Variants in HERC4 observed in about 807,000 individuals in gnomAD.
The protein encoded by HERC4 is probable E3 ubiquitin-protein ligase HERC4.
In HERC4, 28 loss-of-function variants were observed where a neutral mutation model predicts 124.3. The ratio of observed to expected loss-of-function variants is 0.23; its 90% confidence interval spans 0.17 to 0.31. HERC4 has a LOEUF of 0.31. Ranked by LOEUF, HERC4 falls within the 10% of genes least tolerant of loss-of-function variation. The pLI, the probability that HERC4 is intolerant of heterozygous loss-of-function variation, is 1.00. For synonymous variants in HERC4, 407 were observed against 421.5 expected, an observed-to-expected ratio of 0.97 and a Z score of 0.42; for missense variants, 713 against 1,229.3, an observed-to-expected ratio of 0.58 and a Z score of 6.28.
At chr10:67,947,013 A>G (rs1164917190) in intron 19 of HERC4, among the ~76,000 whole-genome samples, 2 of 152,206 alleles carry the variant, frequency 1.3e-5, no homozygotes, top group South Asian at 2.1e-4. Context: ...AGAGACCCCA[A>G]TACAATAATA....
intron 15 of HERC4, among the ~76,000 whole-genome samples, chr10:67,974,073 TACAC>T (rs57454971): frequency 0.086 from 8,292 of 95,926 alleles, 716 homozygotes; most frequent in African/African-American, 0.15. Flanking sequence ...AAAATTACTG[TACAC>T]ACACACACAC....
chr10:67,934,792 T>G (rs2032181678), intron 22 of HERC4, among the ~76,000 whole-genome samples: 1 of 152,134 alleles, frequency 6.6e-6, no homozygotes, highest in South Asian at 2.1e-4. Context: ...CTGGACAGTT[T>G]TAGGGTCCCT....
At chr10:68,054,296 TTTC>T (rs1415657052) in intron 3 of HERC4, among the ~76,000 whole-genome samples, 2 of 152,172 alleles carry the variant, frequency 1.3e-5, no homozygotes, top group Admixed American at 6.5e-5. Context: ...TTTTTTTTCT[TTTC>T]TTCTTCTTTG....
chr10:67,927,187 G>A (rs940347524), intron 23 of HERC4, among the ~76,000 whole-genome samples: 1 of 151,810 alleles, frequency 6.6e-6, no homozygotes, highest in African/African-American at 2.4e-5. Flanking sequence ...TAAAGTCTGT[G>A]AGCATGTTAG....
intron 15 of HERC4, among the ~76,000 whole-genome samples, chr10:67,968,772 A>G (rs1258667384): frequency 6.6e-6 from 1 of 152,180 alleles, no homozygotes; most frequent in African/African-American, 2.4e-5. Context: ...CCAAGAAGTC[A>G]CAACAATCCA....
In HERC4 at chr10:67,941,117, A is replaced by C. The variant is rs762067289; in HGVS notation, c.2338-12T>G. ...CTGTCTTCAAATGTCTAAAAATATAAGAAAAAGTAAACACATGTCCTCCAA... is the reference window on the plus strand; with the variant it reads ...CTGTCTTCAAATGTCTAAAAATATACGAAAAAGTAAACACATGTCCTCCAA... On this transcript the variant is annotated splice_polypyrimidine_tract_variant and intron_variant, in intron 19 of 24. Coordinates refer to ENST00000373700, the MANE Select transcript of HERC4 (RefSeq NM_015601.4). 1 of 1,511,732 alleles carries C rather than the reference A, an allele frequency of 6.6e-7. No individual in the cohort carries two copies. Among genetic ancestry groups the C allele is most frequent in the South Asian group, 1.3e-5 (1 of 74,140 alleles). 93.6% of individuals were successfully genotyped at this position (1,511,732 alleles called of 1,614,324 possible). A position where few individuals can be genotyped will look rare whatever the true frequency, so the allele number is the denominator to read the frequency against.
intron 7 of HERC4, among the ~76,000 whole-genome samples, chr10:68,030,940 C>G (rs1371317498): frequency 6.6e-6 from 1 of 152,106 alleles, no homozygotes; most frequent in Non-Finnish European, 1.5e-5. Context: ...AGGTTTTGTA[C>G]AGAAAACTGC....
chr10:68,005,198 G>A (rs543824356), intron 9 of HERC4, among the ~76,000 whole-genome samples: 112 of 152,062 alleles, frequency 7.4e-4, no homozygotes, highest in African/African-American at 2.2e-3. Flanking sequence ...AACAATATCC[G>A]CTTTGTATAT....
intron 8 of HERC4, among the ~76,000 whole-genome samples, chr10:68,020,577 T>TA (rs1044280801): frequency 5.3e-5 from 8 of 151,396 alleles, no homozygotes; most frequent in African/African-American, 1.2e-4. Context: ...CCACCCCGGC[T>TA]AAAAAAACGG....
chr10:67,952,561 T>C (rs539766900), intron 19 of HERC4, among the ~76,000 whole-genome samples: 237 of 151,330 alleles, frequency 1.6e-3, no homozygotes, highest in South Asian at 5.5e-3. Flanking sequence ...TGTGAGCCAC[T>C]GGGCCCGGCC....
At chr10:68,042,495 C>A (rs530088479) in intron 4 of HERC4, among the ~76,000 whole-genome samples, 1 of 152,124 alleles carries the variant, frequency 6.6e-6, no homozygotes, top group Non-Finnish European at 1.5e-5. Flanking sequence ...TAGTGGTGCA[C>A]GCCTATAGTC....
At chr10:68,040,663 A>C (rs2039716102) in intron 4 of HERC4, 1 of 164,258 alleles carries the variant, frequency 6.1e-6, no homozygotes, top group African/African-American at 2.4e-5. Flanking sequence ...GGCCAAGGCG[A>C]GCAGATCATA....
chr10:68,019,032 T>C (rs1281861677), intron 8 of HERC4, among the ~76,000 whole-genome samples: 2 of 148,646 alleles, frequency 1.3e-5, no homozygotes, highest in South Asian at 2.1e-4. Flanking sequence ...GTTTCACTCT[T>C]GTTGCCCAGG....
In HERC4 at chr10:68,015,492, G is replaced by A. The variant is rs553488135; in HGVS notation, c.909-1306C>T. On this transcript the variant is annotated intron_variant, in intron 8 of 24. Transcript: ENST00000373700. The stretch of plus-strand genomic sequence containing the variant: ...ACCCAGATTGGCAAATTCTTTCAGG[G>A]TAGCTCCAAAGTCAATTCAAACTAA... Among the ~76,000 whole-genome samples the A allele has an allele frequency of 5.3e-5, 8 of 152,302 alleles. No homozygotes were observed. The South Asian group carries it at 1.0e-3, about 20-fold the overall frequency.
At chr10:67,988,610 A>C in intron 15 of HERC4, 53 bp downstream of exon 15, 1 of 1,124,640 alleles carries the variant, frequency 8.9e-7, no homozygotes, top group Non-Finnish European at 1.3e-6. Context: ...GAACAGTATC[A>C]ATCTGTTAAT....
chr10:67,925,516 T>C (rs1589102210), intron 23 of HERC4, among the ~76,000 whole-genome samples: 1 of 152,172 alleles, frequency 6.6e-6, no homozygotes, highest in East Asian at 1.9e-4. Flanking sequence ...GAAAATTCCC[T>C]TTCTCTGTAT....
rs530397070 is a variant in HERC4, at chr10:68,005,708, T to C, written c.1069+8318A>G. Among the ~76,000 whole-genome samples, 9 of 152,238 alleles carry C rather than the reference T, an allele frequency of 5.9e-5. No homozygotes were observed. The South Asian group carries it at 1.9e-3, about 32-fold the overall frequency. On this transcript the variant is annotated intron_variant, in intron 9 of 24. Coordinates refer to ENST00000373700, the MANE Select transcript of HERC4 (RefSeq NM_015601.4). ...TTAATTTTCTGTGCATCTATTAATT[T>C]TGTTTGTTTTTTTGAGACATGGTCT...
At chr10:67,968,532 C>A (rs1026000561) in intron 15 of HERC4, among the ~76,000 whole-genome samples, 2 of 151,950 alleles carry the variant, frequency 1.3e-5, no homozygotes, top group African/African-American at 4.8e-5. Context: ...ACCACCACCT[C>A]TGGCTAATTT....
rs1338497256 is a variant in HERC4 at position 67,938,437 on chromosome 10, C to CA, written c.2571+1150dup. 4.2e-3 allele frequency among the ~76,000 whole-genome samples: 386 copies of CA among 91,584 alleles called. 2 individuals are homozygous for CA. The highest frequency in any genetic ancestry group is 0.015 in the African/African-American group (346 of 22,740). The allele number at this position is 91,584 out of a possible 152,430, so 60.1% of individuals were successfully genotyped here. On this transcript the variant is annotated intron_variant, in intron 21 of 24. Coordinates refer to ENST00000373700, the MANE Select transcript of HERC4 (RefSeq NM_015601.4). ...GACTGGGCAGAGCAAGATTCTGTCT[C>CA]AAAAAAAAAGAAAAAAAAAAAGAAA...
Sources: allele counts gnomAD v4.1 joint callset (sites outside exome capture counted in the v4.1 genomes callset), GRCh38; gene constraint gnomAD v4.1.1; transcripts MANE v1.5; gene names NCBI Gene and HGNC (gene_info 2026-07-23, HGNC 2026-07-21).